The following HECTD2 variants were observed in gnomAD, a reference collection of about 807,000 sequenced individuals.
HECTD2 encodes HECT domain E3 ubiquitin protein ligase 2, also known as probable E3 ubiquitin-protein ligase HECTD2.
In HECTD2, 35 loss-of-function variants were observed where a neutral mutation model predicts 103.2. That is an observed-to-expected ratio of 0.34 (90% CI 0.26 to 0.45). HECTD2 has a LOEUF of 0.45. Among genes scored for constraint, HECTD2 ranks in the 20% least tolerant of loss-of-function variants. The probability of loss-of-function intolerance (pLI) is 1.00; values close to 1 mark genes in which losing one functional copy is unlikely to be tolerated. For synonymous variants in HECTD2, 281 were observed against 329.9 expected (o/e 0.85, Z 1.61); for missense variants, 596 against 937.4 (o/e 0.64, Z 4.76).
chr10:91,451,780 T>C (rs1456926251), intron 2 of HECTD2, among the ~76,000 whole-genome samples: 3 of 152,130 alleles, frequency 2.0e-5, no homozygotes, highest in Non-Finnish European at 4.4e-5. Context: ...GATGCTTGAA[T>C]AGGAGGGTAG....
intron 6 of HECTD2, among the ~76,000 whole-genome samples, chr10:91,478,641 C>A (rs745701338): frequency 1.3e-5 from 2 of 151,956 alleles, no homozygotes; most frequent in Non-Finnish European, 2.9e-5. Flanking sequence ...TTTCTTATTT[C>A]TATTATAGGG....
At chr10:91,444,976 T>G (rs1235452164) in intron 2 of HECTD2, among the ~76,000 whole-genome samples, 3 of 152,154 alleles carry the variant, frequency 2.0e-5, no homozygotes, top group Non-Finnish European at 4.4e-5. Context: ...TTAGAAACAT[T>G]AAGTAAAACA....
intron 2 of HECTD2, among the ~76,000 whole-genome samples, chr10:91,440,327 G>C (rs1589484462): frequency 1.3e-5 from 2 of 152,162 alleles, no homozygotes; most frequent in South Asian, 4.1e-4. Flanking sequence ...GGTAGTTATT[G>C]AGAAAATTGT....
chr10:91,430,076 G>A (rs1450448550), intron 2 of HECTD2, among the ~76,000 whole-genome samples: 2 of 152,114 alleles, frequency 1.3e-5, no homozygotes, highest in African/African-American at 2.4e-5. Context: ...CTGGTATGTT[G>A]TATCTTTGTT....
chr10:91,490,011 A>T (rs1368667253), intron 11 of HECTD2: 1 of 152,204 alleles, frequency 6.6e-6, no homozygotes, highest in Non-Finnish European at 1.5e-5. Context: ...CAAATGACAT[A>T]TTCCTTATAG....
At chr10:91,508,895 C>G (rs922687274) in intron 20 of HECTD2, among the ~76,000 whole-genome samples, 2 of 151,644 alleles carry the variant, frequency 1.3e-5, no homozygotes, top group Admixed American at 6.6e-5. Flanking sequence ...CAATGATAGA[C>G]TGGATTAAGA....
intron 2 of HECTD2, among the ~76,000 whole-genome samples, chr10:91,457,224 C>A (rs1291023340): frequency 6.6e-6 from 1 of 151,894 alleles, no homozygotes; most frequent in Non-Finnish European, 1.5e-5. Context: ...GATAATTCTA[C>A]CAAATGTTTA....
intron 15 of HECTD2, among the ~76,000 whole-genome samples, chr10:91,497,126 ATTTTT>A (rs56923120): frequency 1.0e-5 from 1 of 97,370 alleles, no homozygotes; most frequent in African/African-American, 5.2e-5. Flanking sequence ...TGCCCGGCAA[ATTTTT>A]TTTTTTTTTT....
intron 20 of HECTD2, among the ~76,000 whole-genome samples, chr10:91,511,809 C>CCAT (rs1366199377): frequency 6.6e-6 from 1 of 152,092 alleles, no homozygotes; most frequent in Non-Finnish European, 1.5e-5. Context: ...ACAACCATAC[C>CCAT]CATCTCTGGC....
chr10:91,419,011 A>C (rs989944553), intron 1 of HECTD2, among the ~76,000 whole-genome samples: 4 of 152,150 alleles, frequency 2.6e-5, no homozygotes, highest in Non-Finnish European at 5.9e-5. Flanking sequence ...TAGACGTTCA[A>C]TTTAAAATAT....
intron 1 of HECTD2, among the ~76,000 whole-genome samples, chr10:91,416,905 CTT>C (rs140912661): frequency 0.075 from 11,462 of 152,142 alleles, 820 homozygotes; most frequent in African/African-American, 0.19. Context: ...TCTCTGAACT[CTT>C]TGGGGCTGGT....
intron 2 of HECTD2, among the ~76,000 whole-genome samples, chr10:91,430,514 A>C (rs548596403): frequency 6.6e-6 from 1 of 152,256 alleles, no homozygotes; most frequent in East Asian, 1.9e-4. Flanking sequence ...GTGGGAGTCT[A>C]AGTCTCTTTG....
chr10:91,498,523 ACT>A lies in HECTD2; in HGVS notation c.1756-344_1756-343del, dbSNP rs900393251. 3.5e-4 allele frequency among the ~76,000 whole-genome samples: 53 copies of A among 152,064 alleles called. 1 individual carries two copies. The highest frequency in any genetic ancestry group is 1.2e-3 in the African/African-American group (49 of 41,502). ...GTAGAAACTAATGAGTCAGACCAAAACTCTCTGATTTCCACTCCTTTTACAGT... is the reference window on the plus strand; with the variant it reads ...GTAGAAACTAATGAGTCAGACCAAAACTCTGATTTCCACTCCTTTTACAGT... On this transcript the variant is annotated intron_variant, in intron 16 of 20. Transcript: ENST00000298068.
chr10:91,491,160 C>G (rs1253774872), intron 11 of HECTD2, 40 bp from the exon 12 acceptor site: 2 of 973,786 alleles, frequency 2.1e-6, no homozygotes, highest in Admixed American at 1.9e-5. Flanking sequence ...AAATTATAGT[C>G]TAAGTAAAAG....
chr10:91,504,069 G>T (rs1000955241), intron 20 of HECTD2, among the ~76,000 whole-genome samples: 1 of 152,124 alleles, frequency 6.6e-6, no homozygotes, highest in Non-Finnish European at 1.5e-5. Flanking sequence ...TGAGGGTCCT[G>T]TCTGTTAGAA....
upstream of HECTD2, among the ~76,000 whole-genome samples, chr10:91,410,094 G>A (rs928261548): frequency 2.0e-5 from 3 of 152,036 alleles, no homozygotes; most frequent in Non-Finnish European, 4.4e-5. Context: ...TATGGCGGTC[G>A]GGCGTCGACC....
At chr10:91,508,584 A>G (rs947307602) in intron 20 of HECTD2, among the ~76,000 whole-genome samples, 1 of 150,258 alleles carries the variant, frequency 6.7e-6, no homozygotes, top group African/African-American at 2.5e-5. Flanking sequence ...ATACCATCTC[A>G]CACCAGTTAG....
intron 5 of HECTD2, 123 bp from the exon 6 acceptor site, chr10:91,478,078 G>A: frequency 1.5e-6 from 1 of 647,398 alleles, no homozygotes; most frequent in South Asian, 1.9e-5. Flanking sequence ...ACTACTATAA[G>A]TGTCAGTCCT....
At chr10:91,474,654 T>TA (rs1179448903) in intron 5 of HECTD2, among the ~76,000 whole-genome samples, 1 of 152,202 alleles carries the variant, frequency 6.6e-6, no homozygotes, top group African/African-American at 2.4e-5. Context: ...GTGTTGGAGA[T>TA]ACAGTGTTAA....
Sources: gnomAD v4.1 joint callset for allele counts (sites outside exome capture counted in the v4.1 genomes callset) on GRCh38, gnomAD v4.1.1 for gene constraint, MANE v1.5 for transcripts, NCBI Gene and HGNC (gene_info 2026-07-23, HGNC 2026-07-21) for gene names.